The following ECHDC1 variants were observed in gnomAD, a reference collection of about 807,000 sequenced individuals.
ECHDC1 encodes the protein ethylmalonyl-CoA decarboxylase 1, also known as ethylmalonyl-CoA decarboxylase.
Under a neutral mutation model 29.7 loss-of-function variants are expected in ECHDC1, and 29 were observed. The ratio of observed to expected loss-of-function variants is 0.98; its 90% CI spans 0.73 to 1.33. The LOEUF is 1.33. Among genes scored for constraint, ECHDC1 ranks in the 40% most tolerant of loss-of-function variants. The pLI is 0.00. For synonymous variants in ECHDC1, 126 were observed against 123.1 expected (o/e 1.02, Z -0.15); for missense variants, 328 against 350.0 (o/e 0.94, Z 0.50).
At chr6:127,326,753 A>G (rs1783378211) in intron 3 of ECHDC1, 2 of 434,718 alleles carry the variant, frequency 4.6e-6, no homozygotes, top group Admixed American at 7.4e-5. Flanking sequence ...CTGCTAAACT[A>G]GAAATAACAG....
chr6:127,332,361 C>T (rs1229719034), intron 1 of ECHDC1, among the ~76,000 whole-genome samples: 2 of 152,156 alleles, frequency 1.3e-5, no homozygotes, highest in Non-Finnish European at 2.9e-5. Flanking sequence ...TGAGACAGGT[C>T]TCAACCAATT....
chr6:127,334,943 T>TA (rs1324272589), intron 1 of ECHDC1, among the ~76,000 whole-genome samples: 1 of 151,634 alleles, frequency 6.6e-6, no homozygotes, highest in Non-Finnish European at 1.5e-5. Flanking sequence ...CTGAGGTACA[T>TA]ACTTTGTGTC....
intron 3 of ECHDC1, among the ~76,000 whole-genome samples, chr6:127,325,968 A>G (rs1783291539): frequency 6.6e-6 from 1 of 151,972 alleles, no homozygotes; most frequent in Admixed American, 6.6e-5. Flanking sequence ...CTACCAAAGC[A>G]CTCATATTAT....
chr6:127,324,091 C>T (rs944873218), intron 3 of ECHDC1, among the ~76,000 whole-genome samples: 1 of 152,104 alleles, frequency 6.6e-6, no homozygotes, highest in Non-Finnish European at 1.5e-5. Flanking sequence ...CACTTTTGTT[C>T]ATTGCTAATC....
intron 3 of ECHDC1, among the ~76,000 whole-genome samples, chr6:127,318,311 TATA>T (rs1217098209): frequency 1.3e-5 from 2 of 152,176 alleles, no homozygotes; most frequent in Non-Finnish European, 2.9e-5. Flanking sequence ...GCCCAGATCA[TATA>T]ATATTTTTCC....
intron 1 of ECHDC1, among the ~76,000 whole-genome samples, chr6:127,332,545 G>A (rs748679006): frequency 7.2e-5 from 11 of 152,204 alleles, no homozygotes; most frequent in Non-Finnish European, 1.6e-4. Flanking sequence ...AGGTAAGGCA[G>A]GACAACTCTA....
At chr6:127,315,175 G>T (rs1041676343) in intron 4 of ECHDC1, 1 of 562,424 alleles carries the variant, frequency 1.8e-6, no homozygotes, top group African/African-American at 1.9e-5. Context: ...TAGCCATATT[G>T]TAACTTACTC....
At chr6:127,313,456 GCCCCCCA>G in intron 5 of ECHDC1, 1 of 391,328 alleles carries the variant, frequency 2.6e-6, no homozygotes, top group Non-Finnish European at 5.2e-6. Flanking sequence ...GCCTATTTCA[GCCCCCCA>G]AAATGCTGGG....
At position 127,329,100 on chromosome 6, in the gene ECHDC1, C is replaced by T. The variant is rs376024693; in HGVS notation, c.220+1709G>A. Among the ~76,000 whole-genome samples, 7 of 151,832 alleles carry T rather than the reference C, an allele frequency of 4.6e-5. No individual in the cohort carries two copies. The East Asian group carries it at 1.2e-3, about 25-fold the overall frequency. On this transcript the variant is annotated intron_variant, in intron 2 of 5. Coordinates refer to ENST00000454859, the MANE Select transcript of ECHDC1 (RefSeq NM_001002030.2). ...TGTTGGCCTTTGTTTTAAAACCTTT[C>T]CTATGGTGCTGATTTTTTTTTAAAC...
intron 4 of ECHDC1, 194 bp from the exon 5 acceptor site, chr6:127,315,090 C>T (rs878889407): frequency 1.6e-5 from 11 of 694,674 alleles, no homozygotes; most frequent in South Asian, 1.4e-4. Flanking sequence ...TAATACTAAA[C>T]ATACAATAGT....
chr6:127,324,832 G>A (rs150577243), intron 3 of ECHDC1, among the ~76,000 whole-genome samples: 8 of 152,234 alleles, frequency 5.3e-5, no homozygotes, highest in African/African-American at 1.9e-4. Flanking sequence ...ATATCCATGA[G>A]TGCATATTGA....
Position 127,289,650 on chromosome 6 carries a change from A to G in ECHDC1, c.*219T>C, listed in dbSNP as rs999254591. ...GCAATAATTTTTAAGCCAAAAGTGTATATTTTAGCTAAATGTTCCAGATTA... is the reference window on the plus strand; with the variant it reads ...GCAATAATTTTTAAGCCAAAAGTGTGTATTTTAGCTAAATGTTCCAGATTA... On this transcript the variant is annotated 3_prime_UTR_variant, in exon 6 of 6. Transcript: ENST00000454859. 3 of 474,144 alleles carry G rather than the reference A, an allele frequency of 6.3e-6. No individual in the cohort carries two copies. Among genetic ancestry groups the G allele is most frequent in the African/African-American group, 2.0e-5 (1 of 51,068 alleles). 29.4% of individuals were successfully genotyped at this position (474,144 alleles called of 1,614,324 possible). A position where few individuals can be genotyped will look rare whatever the true frequency, so the allele number is the denominator to read the frequency against.
At chr6:127,305,305 G>T (rs542119874) in intron 5 of ECHDC1, among the ~76,000 whole-genome samples, 1 of 152,268 alleles carries the variant, frequency 6.6e-6, no homozygotes, top group Admixed American at 6.5e-5. Context: ...ATCCTTTCAT[G>T]CTAGAATAGT....
chr6:127,300,492 G>C (rs770878116), intron 5 of ECHDC1, among the ~76,000 whole-genome samples: 1 of 152,196 alleles, frequency 6.6e-6, no homozygotes, highest in Non-Finnish European at 1.5e-5. Flanking sequence ...GCAGAGAAAT[G>C]TTTCCAGCTG....
At chr6:127,294,439 C>A (rs1562303741) in intron 5 of ECHDC1, 1 of 152,148 alleles carries the variant, frequency 6.6e-6, no homozygotes, top group Non-Finnish European at 1.5e-5. Flanking sequence ...TTGTTTTCTA[C>A]CATCTATAAC....
At chr6:127,307,648 G>GAAAGAAAAAAAAAAA (rs1781542943) in intron 5 of ECHDC1, among the ~76,000 whole-genome samples, 1 of 48,660 alleles carries the variant, frequency 2.1e-5, no homozygotes, top group Non-Finnish European at 4.3e-5. Context: ...CTCTGTCTCA[G>GAAAGAAAAAAAAAAA]AAAAAAAAAA....
At chr6:127,327,685 A>G (rs946439371) in intron 2 of ECHDC1, among the ~76,000 whole-genome samples, 8 of 152,186 alleles carry the variant, frequency 5.3e-5, no homozygotes, top group Non-Finnish European at 1.2e-4. Context: ...ATCTTGTTCC[A>G]TGGTTAACAA....
In ECHDC1 at chr6:127,305,428, G is replaced by A. The variant is rs963266104; in HGVS notation, c.497+9388C>T. ...TGTCCTACAAGAAATATTAAAGGGA[G>A]CACTCTAATCAGAAAGAAAACGATG... On this transcript the variant is annotated intron_variant, in intron 5 of 5. Coordinates refer to ENST00000454859, the MANE Select transcript of ECHDC1 (RefSeq NM_001002030.2). Among the ~76,000 whole-genome samples, 5 of 152,206 alleles carry A rather than the reference G, an allele frequency of 3.3e-5. No homozygotes were observed. In the East Asian group the frequency reaches 7.7e-4, roughly 24 times the overall value.
chr6:127,314,400 G>A (rs1437980795), intron 5 of ECHDC1, among the ~76,000 whole-genome samples: 2 of 152,062 alleles, frequency 1.3e-5, no homozygotes, highest in African/African-American at 4.8e-5. Context: ...AAGACAAAGG[G>A]ATCTCAGAAA....
Sources: allele counts gnomAD v4.1 joint callset (sites outside exome capture counted in the v4.1 genomes callset), GRCh38; gene constraint gnomAD v4.1.1; transcripts MANE v1.5; gene names NCBI Gene and HGNC (gene_info 2026-07-23, HGNC 2026-07-21).